Variants in PSD3 observed in about 807,000 individuals in gnomAD.
PSD3 encodes the protein PH and SEC7 domain-containing protein 3.
Under a neutral mutation model 105.5 loss-of-function variants are expected in PSD3, and 49 were observed. That is an observed-to-expected ratio of 0.46 (90% CI 0.37 to 0.59). The LOEUF is 0.59. Among genes scored for constraint, PSD3 ranks in the 20% least tolerant of loss-of-function variants. PSD3 has a pLI of 0.00. For synonymous variants in PSD3, 557 were observed against 457.8 expected (o/e 1.22, Z -2.77); for missense variants, 1,561 against 1,263.8 (o/e 1.24, Z -3.57).
chr8:18,673,241 C>A (rs541079054), intron 9 of PSD3, among the ~76,000 whole-genome samples: 72 of 151,982 alleles, frequency 4.7e-4, no homozygotes, highest in Non-Finnish European at 9.1e-4. Flanking sequence ...CTGCCCGTCT[C>A]TTTCTTTCCA....
intron 11 of PSD3, among the ~76,000 whole-genome samples, chr8:18,612,824 C>G (rs536587005): frequency 1.3e-5 from 2 of 152,164 alleles, no homozygotes; most frequent in African/African-American, 2.4e-5. Context: ...TGAATGCAAA[C>G]AATAAAAGTA....
intron 9 of PSD3, among the ~76,000 whole-genome samples, chr8:18,737,958 A>G (rs1266157736): frequency 6.6e-6 from 1 of 152,216 alleles, no homozygotes; most frequent in East Asian, 1.9e-4. Flanking sequence ...TGTGATCAAG[A>G]GAAACTGCTT....
At position 19,084,205 on chromosome 8, in the gene PSD3, C is replaced by T. The variant is rs997619495; in HGVS notation, c.324+1G>A. The T allele has an allele frequency of 6.7e-6, 3 of 449,174 alleles. No individual in the cohort carries two copies. The highest frequency in any genetic ancestry group is 6.0e-5 in the African/African-American group (3 of 49,934). 27.8% of individuals were successfully genotyped at this position (449,174 alleles called of 1,614,324 possible). ...GGGATTCAGGACATGCGAGTTCTTACCTTGAGAGGCAGAGTGGCAGGCGGG... is the reference window on the plus strand; with the variant it reads ...GGGATTCAGGACATGCGAGTTCTTATCTTGAGAGGCAGAGTGGCAGGCGGG... On this transcript the variant is annotated splice_donor_variant, in intron 1 of 1. Transcript: ENST00000521475. LOFTEE classifies it high-confidence loss of function.
chr8:18,868,074 A>T lies in PSD3; in HGVS notation c.1239-5T>A, dbSNP rs1449111005. ...TGCTCCTCTTGTTCGCTGATCCTGG[A>T]AAGTAAATAAGAGTGAAGAATTCCA... On this transcript the variant is annotated splice_region_variant and splice_polypyrimidine_tract_variant and intron_variant, in intron 3 of 15. Coordinates refer to ENST00000327040, the MANE Select transcript of PSD3 (RefSeq NM_015310.4). The T allele has an allele frequency of 6.3e-7, 1 of 1,590,682 alleles. No homozygotes were observed. The highest frequency in any genetic ancestry group is 1.2e-5 in the South Asian group (1 of 86,118).
intron 4 of PSD3, among the ~76,000 whole-genome samples, chr8:18,833,311 G>T (rs1161071237): frequency 1.3e-5 from 2 of 152,186 alleles, no homozygotes; most frequent in Non-Finnish European, 2.9e-5. Context: ...AGAAGATGAA[G>T]GTGGAGGTGA....
At chr8:18,682,147 A>G (rs1387426708) in intron 9 of PSD3, among the ~76,000 whole-genome samples, 1 of 152,162 alleles carries the variant, frequency 6.6e-6, no homozygotes, top group African/African-American at 2.4e-5. Context: ...ACACTACACA[A>G]CCATAATTCT....
intron 2 of PSD3, among the ~76,000 whole-genome samples, chr8:18,913,731 T>G (rs1473453516): frequency 6.6e-6 from 1 of 151,854 alleles, no homozygotes; most frequent in Admixed American, 6.6e-5. Context: ...CTGGCCTTCA[T>G]GGACTCAGGA....
At chr8:19,054,138 G>C (rs559457645) in intron 1 of PSD3, among the ~76,000 whole-genome samples, 2 of 152,188 alleles carry the variant, frequency 1.3e-5, no homozygotes, top group Non-Finnish European at 2.9e-5. Flanking sequence ...TCCTGCCGCG[G>C]GCTTGTTGCC....
At chr8:18,849,270 A>G (rs188013668) in intron 4 of PSD3, 1 of 152,342 alleles carries the variant, frequency 6.6e-6, no homozygotes, top group African/African-American at 2.4e-5. Flanking sequence ...TTACTCATTC[A>G]TTGATCTTCC....
chr8:19,000,396 G>GAAA (rs147279826), intron 1 of PSD3, among the ~76,000 whole-genome samples: 17 of 133,560 alleles, frequency 1.3e-4, no homozygotes, highest in South Asian at 1.0e-3. Context: ...GGCTCTGTCT[G>GAAA]AAAAAAAAAA....
chr8:18,824,670 T>C (rs946671348), intron 4 of PSD3, among the ~76,000 whole-genome samples: 3 of 152,222 alleles, frequency 2.0e-5, no homozygotes, highest in Admixed American at 6.5e-5. Flanking sequence ...ATACACTTTA[T>C]TATCTATGGT....
At chr8:18,995,819 A>G (rs992579461) in intron 1 of PSD3, among the ~76,000 whole-genome samples, 7 of 151,976 alleles carry the variant, frequency 4.6e-5, no homozygotes, top group African/African-American at 1.7e-4. Context: ...CAATAGAAAC[A>G]GCAGGGAAAA....
chr8:18,852,929 T>A (rs1815710015), intron 4 of PSD3, among the ~76,000 whole-genome samples: 1 of 152,070 alleles, frequency 6.6e-6, no homozygotes, highest in Non-Finnish European at 1.5e-5. Flanking sequence ...CCACCACCCC[T>A]CATGTTAGAT....
At chr8:18,950,925 G>T (rs12545725) in intron 1 of PSD3, among the ~76,000 whole-genome samples, 1 of 151,778 alleles carries the variant, frequency 6.6e-6, no homozygotes, top group African/African-American at 2.4e-5. Flanking sequence ...CTCTAGGGCC[G>T]AGCTGCAATG....
intron 12 of PSD3, among the ~76,000 whole-genome samples, chr8:18,593,695 CT>C (rs1457916924): frequency 1.3e-5 from 2 of 151,956 alleles, no homozygotes; most frequent in Non-Finnish European, 2.9e-5. Flanking sequence ...TGCAGCACTA[CT>C]CACAATAGCA....
chr8:19,066,844 G>A (rs544796911), intron 1 of PSD3, among the ~76,000 whole-genome samples: 5 of 152,198 alleles, frequency 3.3e-5, no homozygotes, highest in African/African-American at 4.8e-5. Flanking sequence ...ACTTCTGGCC[G>A]GAAGCTTTTC....
At chr8:18,953,082 A>G (rs1235791626) in intron 1 of PSD3, among the ~76,000 whole-genome samples, 1 of 152,254 alleles carries the variant, frequency 6.6e-6, no homozygotes, top group Non-Finnish European at 1.5e-5. Flanking sequence ...TTTAAGAAAC[A>G]GAAATACAAA....
intron 1 of PSD3, among the ~76,000 whole-genome samples, chr8:19,059,886 C>T (rs2129477489): frequency 6.6e-6 from 1 of 152,328 alleles, no homozygotes; most frequent in East Asian, 1.9e-4. Flanking sequence ...TCTTCTATAA[C>T]CACTGGAACT....
At chr8:19,002,266 G>C (rs1212619877) in intron 1 of PSD3, among the ~76,000 whole-genome samples, 6 of 151,988 alleles carry the variant, frequency 3.9e-5, no homozygotes. Context: ...AGACCTCCAA[G>C]GAAGGAAGGC....
Sources: gnomAD v4.1 joint callset for allele counts (sites outside exome capture counted in the v4.1 genomes callset) on GRCh38, gnomAD v4.1.1 for gene constraint, MANE v1.5 for transcripts, NCBI Gene and HGNC (gene_info 2026-07-23, HGNC 2026-07-21) for gene names.